Variants in HMGCS2 observed in about 807,000 individuals in gnomAD.
HMGCS2 encodes the protein 3-hydroxy-3-methylglutaryl-CoA synthase 2, also known as hydroxymethylglutaryl-CoA synthase, mitochondrial.
Under a neutral mutation model 57.4 loss-of-function variants are expected in HMGCS2, and 50 were observed. That is an observed-to-expected ratio of 0.87 (90% CI 0.69 to 1.10). The LOEUF is 1.10. HMGCS2 is among the 50% of genes least tolerant of loss of function. The pLI is 0.00. For missense variants in HMGCS2, 627 were observed against 636.5 expected, an observed-to-expected ratio of 0.99 and a Z score of 0.16; for synonymous variants, 254 against 245.1, an observed-to-expected ratio of 1.04 and a Z score of -0.34.
chr1:119,767,375 G>A (rs1334597735), intron 1 of HMGCS2, among the ~76,000 whole-genome samples: 2 of 152,192 alleles, frequency 1.3e-5, no homozygotes, highest in Non-Finnish European at 2.9e-5. Flanking sequence ...AAGAACTGGA[G>A]GGGAATGAAG....
In HMGCS2 at chr1:119,759,085, G is replaced by C. The variant is rs587640687; in HGVS notation, c.850+33C>G. On this transcript the variant is annotated intron_variant, in intron 4 of 9. Coordinates refer to ENST00000369406, the MANE Select transcript of HMGCS2 (RefSeq NM_005518.4). Reference sequence around the variant, plus strand: ...TACAAACCCTTGGCCTATGTAAATAGAGCCCCCACTTTCTGCCCTCTGAAT... The same window carrying C: ...TACAAACCCTTGGCCTATGTAAATACAGCCCCCACTTTCTGCCCTCTGAAT... The C allele has an allele frequency of 5.0e-6, 8 of 1,611,456 alleles. No homozygotes were observed. The East Asian group carries it at 8.9e-5, about 18-fold the overall frequency.
intron 2 of HMGCS2, 144 bp downstream of exon 2, chr1:119,764,028 T>G (rs1378439186): frequency 1.1e-5 from 8 of 716,100 alleles, no homozygotes; most frequent in Non-Finnish European, 2.0e-5. Context: ...TAAGTGGTTA[T>G]TGTGGGATGA....
chr1:119,755,979 C>A (rs987877737), intron 5 of HMGCS2, among the ~76,000 whole-genome samples: 1 of 151,994 alleles, frequency 6.6e-6, no homozygotes, highest in Admixed American at 6.6e-5. Flanking sequence ...CAGGATGTAC[C>A]GCACTTTAAC....
rs587719462 is a variant in HMGCS2, at chr1:119,749,067, C to G, written c.*6-226G>C. On this transcript the variant is annotated intron_variant, in intron 9 of 9. Transcript: ENST00000369406. Reference sequence around the variant, plus strand: ...GGCAGGGTCCCCGTCGCACATCTGCCTGTGATAGGAGAGCAGGAGAGGCAG... The same window carrying G: ...GGCAGGGTCCCCGTCGCACATCTGCGTGTGATAGGAGAGCAGGAGAGGCAG... Among the ~76,000 whole-genome samples, 5 of 152,328 alleles carry G rather than the reference C, an allele frequency of 3.3e-5. No individual in the cohort carries two copies. In the South Asian group the frequency reaches 1.0e-3, roughly 32 times the overall value.
chr1:119,748,915 C>T (rs1039216346), intron 9 of HMGCS2, 74 bp from the exon 10 acceptor site: 2 of 152,290 alleles, frequency 1.3e-5, no homozygotes, highest in African/African-American at 2.4e-5. Flanking sequence ...GCTTCTTGCC[C>T]GAGGTGTGGC....
intron 2 of HMGCS2, among the ~76,000 whole-genome samples, chr1:119,761,668 G>C (rs898201071): frequency 1.3e-5 from 2 of 152,162 alleles, no homozygotes; most frequent in South Asian, 4.2e-4. Context: ...GGGAGGCTGA[G>C]ACAGAAGAAT....
At chr1:119,768,058 C>T (rs1460831489) in intron 1 of HMGCS2, among the ~76,000 whole-genome samples, 1 of 152,186 alleles carries the variant, frequency 6.6e-6, no homozygotes, top group Non-Finnish European at 1.5e-5. Flanking sequence ...AAATAAAGAA[C>T]TAGTCCCAAT....
At chr1:119,767,712 G>A (rs1345040865) in intron 1 of HMGCS2, among the ~76,000 whole-genome samples, 4 of 152,214 alleles carry the variant, frequency 2.6e-5, no homozygotes, top group Non-Finnish European at 4.4e-5. Context: ...TGAACCAAGG[G>A]AGTCAGAATG....
rs1397775122 is a variant in HMGCS2 at position 119,757,446 on chromosome 1, A to G, written c.851-8T>C. The G allele has an allele frequency of 6.2e-7, 1 of 1,613,930 alleles. No homozygotes were observed. The highest frequency in any genetic ancestry group is 8.5e-7 in the Non-Finnish European group (1 of 1,179,772). On this transcript the variant is annotated splice_region_variant and splice_polypyrimidine_tract_variant and intron_variant, in intron 4 of 9. Coordinates refer to ENST00000369406, the MANE Select transcript of HMGCS2 (RefSeq NM_005518.4). ...AGGGTCGATCGCTGCCAGCTGGAAG[A>G]GGAAGCGTGAAGGCAAGGATGGGGC...
chr1:119,758,337 A>G (rs1470107869), intron 4 of HMGCS2, among the ~76,000 whole-genome samples: 1 of 151,976 alleles, frequency 6.6e-6, no homozygotes, highest in East Asian at 1.9e-4. Context: ...GTCTCAAGCA[A>G]TTTCCCCCAT....
At chr1:119,755,371 C>T (rs907644155) in intron 6 of HMGCS2, 56 bp downstream of exon 6, 29 of 1,552,638 alleles carry the variant, frequency 1.9e-5, no homozygotes, top group African/African-American at 9.5e-5. Flanking sequence ...CTGCAGCCCA[C>T]GGGGGCGGAG....
chr1:119,750,086 G>A (rs1262722572), intron 9 of HMGCS2, among the ~76,000 whole-genome samples: 1 of 152,006 alleles, frequency 6.6e-6, no homozygotes, highest in Middle Eastern at 3.2e-3. Context: ...CGAATTTCCT[G>A]AACCTCATTG....
At chr1:119,767,175 G>A (rs1653257375) in intron 1 of HMGCS2, among the ~76,000 whole-genome samples, 2 of 152,300 alleles carry the variant, frequency 1.3e-5, no homozygotes, top group South Asian at 2.1e-4. Flanking sequence ...TGACCAGTGT[G>A]AGGAATGATA....
rs753878217 is a variant in HMGCS2 at position 119,757,404 on chromosome 1, TAA to T, written c.883_884del (p.Leu295ThrfsTer24). The T allele has an allele frequency of 3.7e-6, 6 of 1,614,112 alleles. No homozygotes were observed. The highest frequency in any genetic ancestry group is 5.1e-6 in the Non-Finnish European group (6 of 1,179,992). ...GSDRPFTLDD[L>X]QYMIFHTPFC... ...AGGGTGTATGAAAGATCATGTACTG[TAA>T]ATCGTCAAGGGTGAAGGGTCGATCG... is the stretch of plus-strand genomic sequence containing the variant. On this transcript the variant is annotated frameshift_variant, in exon 5 of 10. Transcript: ENST00000369406. LOFTEE classifies it high-confidence loss of function.
intron 1 of HMGCS2, among the ~76,000 whole-genome samples, chr1:119,767,318 G>T (rs1653264578): frequency 6.6e-6 from 1 of 152,212 alleles, no homozygotes; most frequent in African/African-American, 2.4e-5. Context: ...TCGTGGAAGA[G>T]ACCGCATTTG....
chr1:119,752,588 T>C lies in HMGCS2; in HGVS notation c.1381A>G (p.Thr461Ala). Residue 461 changes from threonine to alanine, a missense_variant, in exon 8 of 10, where the codon ACA becomes GCA. By Grantham distance (58) the Thr-to-Ala change is moderately conservative. Transcript: ENST00000369406. ...TGCTCTCTTTGGTTCATTATTTCTG[T>C]GAACTCCTCAGGAGACACACACTTT... ...SRKCVSPEEFTEIMNQREQFY... is the reference protein window; with the variant it reads ...SRKCVSPEEFAEIMNQREQFY... 1 of 1,614,186 alleles carries C rather than the reference T, an allele frequency of 6.2e-7. No individual in the cohort carries two copies. Among genetic ancestry groups the C allele is most frequent in the East Asian group, 2.2e-5 (1 of 44,892 alleles).
chr1:119,752,427 C>A (rs1363049060), intron 8 of HMGCS2, 122 bp downstream of exon 8: 1 of 1,111,994 alleles, frequency 9.0e-7, no homozygotes, highest in South Asian at 1.2e-5. Flanking sequence ...CAAATCTTCT[C>A]CCAACCATAT....
rs763531478 is a variant in HMGCS2 at position 119,759,867 on chromosome 1, G to A, written c.682C>T (p.Arg228Ter). 34 of 1,613,916 alleles carry A rather than the reference G, an allele frequency of 2.1e-5. No homozygotes were observed. In the Admixed American group the frequency reaches 2.2e-4, roughly 10 times the overall value. The change falls in exon 3 of 10, where the codon CGA becomes TGA. Residue 228 changes from arginine (R) to a stop codon, truncating the protein, a stop_gained. Transcript: ENST00000369406. LOFTEE classifies it high-confidence loss of function. ...TTGGTAATGGATTACTACAAACCTC[G>A]CTCCAGGGCCAGAGGGGCCTTGGGC... Reference protein sequence around the residue: ...IGPKAPLALERGLRGTHMENV... With the variant: ...IGPKAPLALE
At chr1:119,768,416 G>A (rs1653309893) in intron 1 of HMGCS2, among the ~76,000 whole-genome samples, 1 of 152,346 alleles carries the variant, frequency 6.6e-6, no homozygotes. Context: ...GAGGCTAGGG[G>A]TGAAGGTGGG....
Sources: allele counts gnomAD v4.1 joint callset (sites outside exome capture counted in the v4.1 genomes callset), GRCh38; gene constraint gnomAD v4.1.1; transcripts MANE v1.5; gene names NCBI Gene and HGNC (gene_info 2026-07-23, HGNC 2026-07-21).